FKBP2: variants seen among roughly 807,000 people sequenced by gnomAD.
FKBP2 encodes the protein peptidyl-prolyl cis-trans isomerase FKBP2.
In FKBP2, 15 loss-of-function variants were observed where a neutral mutation model predicts 19.4. That is an observed-to-expected ratio of 0.77 (90% CI 0.52 to 1.19). The LOEUF (loss-of-function observed/expected upper bound fraction) is 1.19, where lower values mean the gene tolerates loss of function less well. Ranked by LOEUF, FKBP2 falls within the 50% of genes most tolerant of loss-of-function variation. The pLI, the probability that FKBP2 is intolerant of heterozygous loss-of-function variation, is 0.00. For synonymous variants in FKBP2, 76 were observed against 74.8 expected (o/e 1.02, Z -0.08); for missense variants, 170 against 179.0 (o/e 0.95, Z 0.29).
In FKBP2 at chr11:64,243,865, C is replaced by CA; in HGVS notation, c.359dup (p.Ile121AspfsTer21). ...GGGTATGGAGAGCGGGGAGCTCCCC[C>CA]AAAGATTCCAGGTAGTAAACCTTTT... On this transcript the variant is annotated frameshift_variant, in exon 5 of 6. Coordinates refer to ENST00000309366, the MANE Select transcript of FKBP2 (RefSeq NM_004470.4). LOFTEE classifies it high-confidence loss of function. 1 of 1,614,166 alleles carries CA rather than the reference C, an allele frequency of 6.2e-7. No homozygotes were observed. Among genetic ancestry groups the CA allele is most frequent in the Non-Finnish European group, 8.5e-7 (1 of 1,179,992 alleles).
chr11:64,241,325 G>A (rs1295017717), intron 1 of FKBP2, 193 bp downstream of exon 1: 4 of 152,392 alleles, frequency 2.6e-5, no homozygotes, highest in Admixed American at 6.5e-5. Context: ...CGGAGTCCTG[G>A]GACTCGGGGC....
In FKBP2 at chr11:64,242,496, AAGC is replaced by A; in HGVS notation, c.110_112del (p.Lys37del). On this transcript the variant is annotated inframe_deletion, in exon 2 of 6. Transcript: ENST00000309366. ...AAGGAAGCTGCAGATCGGGGTCAAG[AAGC>A]GGGTGGACCACTGTCCCATCAAATC... 6.4e-7 allele frequency: 1 copy of A among 1,555,288 alleles called. No individual in the cohort carries two copies. The highest frequency in any genetic ancestry group is 1.4e-5 in the African/African-American group (1 of 70,374).
At chr11:64,242,224 C>T (rs991340900) in intron 1 of FKBP2, 160 bp from the exon 2 acceptor site, 2 of 651,788 alleles carry the variant, frequency 3.1e-6, no homozygotes, top group Non-Finnish European at 4.7e-6. Context: ...GTAAGTGTGG[C>T]CCCGGAGCCC....
intron 2 of FKBP2, among the ~76,000 whole-genome samples, 167 bp downstream of exon 2, chr11:64,242,725 G>C (rs1205916723): frequency 6.6e-6 from 1 of 152,194 alleles, no homozygotes; most frequent in African/African-American, 2.4e-5. Context: ...CTGCCCAGGT[G>C]GGCACCAGCA....
intron 4 of FKBP2, 75 bp downstream of exon 4, chr11:64,243,572 T>C (rs1591088432): frequency 6.4e-7 from 1 of 1,550,572 alleles, no homozygotes; most frequent in Non-Finnish European, 8.9e-7. Flanking sequence ...GCTTCAGCTT[T>C]TCATTGGTCT....
chr11:64,242,085 AGGT>A (rs2030540832), intron 1 of FKBP2: 1 of 306,246 alleles, frequency 3.3e-6, no homozygotes, highest in African/African-American at 2.3e-5. Context: ...TGAAGAGCGG[AGGT>A]GGGGACTGGG....
intron 4 of FKBP2, 65 bp downstream of exon 4, chr11:64,243,562 G>A: frequency 6.3e-7 from 1 of 1,583,678 alleles, no homozygotes; most frequent in Non-Finnish European, 8.7e-7. Flanking sequence ...GGTGAAAGCT[G>A]CTTCAGCTTT....
At position 64,244,127 on chromosome 11, in the gene FKBP2, G is replaced by A. The variant is rs2030755406; in HGVS notation, c.*98G>A. 3 of 1,354,814 alleles carry A rather than the reference G, an allele frequency of 2.2e-6. No individual in the cohort carries two copies. The highest frequency in any genetic ancestry group is 2.0e-5 in the Admixed American group (1 of 50,950). The allele number at this position is 1,354,814 out of a possible 1,614,324, so 83.9% of individuals were successfully genotyped here. A position where few individuals can be genotyped will look rare whatever the true frequency, so the allele number is the denominator to read the frequency against. On this transcript the variant is annotated 3_prime_UTR_variant, in exon 6 of 6. Transcript: ENST00000309366. The stretch of plus-strand genomic sequence containing the variant: ...AAAACAAACAAAAAAACACTTAAAA[G>A]CCCAAGGAGTAAGCCTGTGTGTGTT...
Position 64,244,049 on chromosome 11 carries a change from G to T in FKBP2, c.*20G>T, listed in dbSNP as rs201615451. The stretch of plus-strand genomic sequence containing the variant: ...CTGTAACCAGACTGGGGAGGGGCAG[G>T]GGGAGAGGCCCCCATCAGGGACCAG... On this transcript the variant is annotated 3_prime_UTR_variant, in exon 6 of 6. Coordinates refer to ENST00000309366, the MANE Select transcript of FKBP2 (RefSeq NM_004470.4). The T allele has an allele frequency of 6.2e-7, 1 of 1,613,276 alleles. No homozygotes were observed. Among genetic ancestry groups the T allele is most frequent in the Non-Finnish European group, 8.5e-7 (1 of 1,179,496 alleles).
intron 2 of FKBP2, 106 bp from the exon 3 acceptor site, chr11:64,243,093 G>T: frequency 1.0e-6 from 1 of 979,870 alleles, no homozygotes; most frequent in Non-Finnish European, 1.6e-6. Flanking sequence ...CTGACCACCA[G>T]GGCTGTGGGT....
rs937916358 is a variant in FKBP2 at position 64,243,571 on chromosome 11, T to C, written c.331+74T>C. 3.2e-6 allele frequency: 5 copies of C among 1,563,176 alleles called. No individual in the cohort carries two copies. The African/African-American group carries it at 6.8e-5, about 21-fold the overall frequency. Reference sequence around the variant, plus strand: ...GGGAAGGGTGAAAGCTGCTTCAGCTTTTCATTGGTCTTCACCGTATCCATT... The same window carrying C: ...GGGAAGGGTGAAAGCTGCTTCAGCTCTTCATTGGTCTTCACCGTATCCATT... On this transcript the variant is annotated intron_variant, in intron 4 of 5. Coordinates refer to ENST00000309366, the MANE Select transcript of FKBP2 (RefSeq NM_004470.4).
intron 4 of FKBP2, 100 bp downstream of exon 4, chr11:64,243,597 C>T (rs2030698650): frequency 7.0e-7 from 1 of 1,421,346 alleles, no homozygotes; most frequent in East Asian, 2.3e-5. Context: ...CGTATCCATT[C>T]ATTACAATAC....
chr11:64,243,124 A>C lies in FKBP2; in HGVS notation c.172-75A>C. The C allele has an allele frequency of 2.9e-6, 4 of 1,371,010 alleles. No individual in the cohort carries two copies. The South Asian group carries it at 4.7e-5, about 16-fold the overall frequency. The allele number at this position is 1,371,010 out of a possible 1,614,324, so 84.9% of individuals were successfully genotyped here. A position where few individuals can be genotyped will look rare whatever the true frequency, so the allele number is the denominator to read the frequency against. On this transcript the variant is annotated intron_variant, in intron 2 of 5. Transcript: ENST00000309366. ...TGGGTGGGCGTGGGGGGGCAGCTTG[A>C]TGGGGAAAGCAGCTGAGGGAGGGGG...
rs913770012 is a variant in FKBP2, at chr11:64,243,205, C to T, written c.178C>T (p.Leu60=). Residue 60 remains leucine, a synonymous_variant, in exon 3 of 6, where the codon CTG becomes TTG. Transcript: ENST00000309366. ...DVLHMHYTGK[L]EDGTEFDSSL... The stretch of plus-strand genomic sequence containing the variant: ...CCTTCTCATGGTTCCACAGGGGAAG[C>T]TGGAAGATGGGACAGAGTTTGACAG... 3 of 1,613,554 alleles carry T rather than the reference C, an allele frequency of 1.9e-6. No homozygotes were observed. In the African/African-American group the frequency reaches 4.0e-5, roughly 22 times the overall value.
chr11:64,241,583 G>A (rs1417855565), intron 1 of FKBP2: 1 of 152,878 alleles, frequency 6.5e-6, no homozygotes, highest in Non-Finnish European at 1.5e-5. Context: ...TTCTGTCGAA[G>A]GCGGGGCTGC....
chr11:64,243,630 T>G (rs2030701938), intron 4 of FKBP2, 133 bp downstream of exon 4: 1 of 1,258,002 alleles, frequency 7.9e-7, no homozygotes, highest in African/African-American at 1.5e-5. Flanking sequence ...AGTTTGGCTG[T>G]GTCTAGCAGT....
chr11:64,241,116 G>C lies in FKBP2; in HGVS notation c.-21G>C, dbSNP rs1342731081. On this transcript the variant is annotated 5_prime_UTR_variant, in exon 1 of 6. Coordinates refer to ENST00000309366, the MANE Select transcript of FKBP2 (RefSeq NM_004470.4). ...CGGCAGCACCACCGGGGTTGACTCC[G>C]GGGGCGCGGCGAGGAGGTGAGCGGG... 2 of 152,696 alleles carry C rather than the reference G, an allele frequency of 1.3e-5. No homozygotes were observed. The highest frequency in any genetic ancestry group is 2.9e-5 in the Non-Finnish European group (2 of 68,394). 9.5% of individuals were successfully genotyped at this position (152,696 alleles called of 1,614,324 possible).
At chr11:64,242,814 C>G (rs543139521) in intron 2 of FKBP2, among the ~76,000 whole-genome samples, 37 of 152,288 alleles carry the variant, frequency 2.4e-4, no homozygotes, top group African/African-American at 7.9e-4. Context: ...AGTGGCTCAC[C>G]CCTGTAATCC....
chr11:64,243,816 CTG>C lies in FKBP2; in HGVS notation c.332-23_332-22del, dbSNP rs568961338. Reference sequence around the variant, plus strand: ...TGGAAGGGAGCTTGGCCATCACTGACTGTTTCTTTGTGCATCTTCAACAGGGT... The same window carrying C: ...TGGAAGGGAGCTTGGCCATCACTGACTTTCTTTGTGCATCTTCAACAGGGT... On this transcript the variant is annotated intron_variant, in intron 4 of 5. Transcript: ENST00000309366. 295 of 1,613,928 alleles carry C rather than the reference CTG, an allele frequency of 1.8e-4. 1 individual carries two copies. The African/African-American group carries it at 3.7e-3, about 20-fold the overall frequency.
Sources: gnomAD v4.1 joint callset for allele counts (sites outside exome capture counted in the v4.1 genomes callset) on GRCh38, gnomAD v4.1.1 for gene constraint, MANE v1.5 for transcripts, NCBI Gene and HGNC (gene_info 2026-07-23, HGNC 2026-07-21) for gene names.